Variants in TECR observed in about 807,000 individuals in gnomAD.
TECR encodes the protein very-long-chain enoyl-CoA reductase.
TECR carries 19 observed loss-of-function variants against 50.6 expected under a neutral mutation model. That is an observed-to-expected ratio of 0.38 (90% CI 0.26 to 0.55). The LOEUF (loss-of-function observed/expected upper bound fraction) is 0.55, where lower values mean the gene tolerates loss of function less well. TECR is among the 20% of genes least tolerant of loss of function. The pLI is 0.79. For synonymous variants in TECR, 168 were observed against 163.5 expected (o/e 1.03, Z -0.21); for missense variants, 313 against 408.3 (o/e 0.77, Z 2.01).
chr19:14,535,334 C>T (rs1252589595), intron 1 of TECR, among the ~76,000 whole-genome samples: 7 of 150,200 alleles, frequency 4.7e-5, no homozygotes, highest in African/African-American at 7.4e-5. Context: ...AGTGAAACCC[C>T]GTCTCTACTA....
intron 1 of TECR, among the ~76,000 whole-genome samples, chr19:14,559,244 C>T (rs1599487792): frequency 6.6e-6 from 1 of 152,240 alleles, no homozygotes; most frequent in African/African-American, 2.4e-5. Context: ...ATTGAGTGCA[C>T]GTGCATCATT....
intron 1 of TECR, among the ~76,000 whole-genome samples, chr19:14,559,222 G>T (rs776403177): frequency 6.6e-6 from 1 of 152,122 alleles, no homozygotes; most frequent in Non-Finnish European, 1.5e-5. Context: ...CCATTTAAAA[G>T]TGAACAGTGG....
chr19:14,542,280 T>C (rs2073119333), intron 1 of TECR, among the ~76,000 whole-genome samples: 1 of 151,012 alleles, frequency 6.6e-6, no homozygotes, highest in South Asian at 2.1e-4. Flanking sequence ...CTACTGATTT[T>C]ACCTAAAAGA....
rs753973334 is a variant in TECR at position 14,564,822 on chromosome 19, GC to G, written c.528del (p.Tyr177IlefsTer18). ...CTACTGGGGCTTCGCCGCGTGGATGGCCTATTACATCAATCACCCTCTCTAC... is the reference window on the plus strand; with the variant it reads ...CTACTGGGGCTTCGCCGCGTGGATGGCTATTACATCAATCACCCTCTCTAC... Reference protein sequence around the residue: ...TYYWGFAAWMAYYINHPLYTP... With the variant: ...TYYWGFAAWMXYYINHPLYTP... On this transcript the variant is annotated frameshift_variant, in exon 8 of 13. Transcript: ENST00000215567. LOFTEE classifies it high-confidence loss of function. 6.2e-7 allele frequency: 1 copy of G among 1,613,656 alleles called. No individual in the cohort carries two copies. Among genetic ancestry groups the G allele is most frequent in the Non-Finnish European group, 8.5e-7 (1 of 1,179,956 alleles).
chr19:14,532,968 G>A (rs1432213424), intron 1 of TECR, among the ~76,000 whole-genome samples: 1 of 151,906 alleles, frequency 6.6e-6, no homozygotes, highest in Non-Finnish European at 1.5e-5. Flanking sequence ...AAATTAGCTG[G>A]GTATGGTGGC....
chr19:14,540,206 C>A (rs888763171), intron 1 of TECR, among the ~76,000 whole-genome samples: 7 of 151,776 alleles, frequency 4.6e-5, no homozygotes, highest in African/African-American at 1.7e-4. Flanking sequence ...AGTACAGGCA[C>A]CCACCACCAC....
In TECR at chr19:14,563,128, C is replaced by G; in HGVS notation, c.67-78C>G. ...TAGCTACAGCCCAACCCCCAGCCTG[C>G]CATCCCCTTTAGTACCTCCCCATCC... On this transcript the variant is annotated intron_variant, in intron 2 of 12. Coordinates refer to ENST00000215567, the MANE Select transcript of TECR (RefSeq NM_138501.6). This position sits in a 1 kb window ranked among gnomAD's most constrained non-coding sequence, Gnocchi z 5.3. The G allele has an allele frequency of 6.2e-7, 1 of 1,600,278 alleles. No individual in the cohort carries two copies. Among genetic ancestry groups the G allele is most frequent in the African/African-American group, 1.3e-5 (1 of 74,752 alleles).
rs771252890 is a variant in TECR at position 14,563,924 on chromosome 19, C to T, written c.267+21C>T. On this transcript the variant is annotated intron_variant, in intron 5 of 12. Coordinates refer to ENST00000215567, the MANE Select transcript of TECR (RefSeq NM_138501.6). The surrounding 1 kb of genome is among the most constrained non-coding windows in gnomAD (Gnocchi z 5.3). ...TGACGGTGAGTCCTGACCCTACCCA[C>T]GGCCTCTTTTCCCGTCAGCCACGTT... The T allele has an allele frequency of 2.2e-5, 35 of 1,613,836 alleles. No homozygotes were observed. In the South Asian group the frequency reaches 2.5e-4, roughly 12 times the overall value.
intron 1 of TECR, among the ~76,000 whole-genome samples, chr19:14,535,584 ATATATGTATG>A (rs2072867687): frequency 2.6e-5 from 1 of 38,594 alleles, no homozygotes; most frequent in African/African-American, 9.4e-5. Context: ...ATATATATAT[ATATATGTATG>A]TATATATAAA....
At chr19:14,548,923 A>G (rs1222297776) in intron 1 of TECR, among the ~76,000 whole-genome samples, 1 of 152,140 alleles carries the variant, frequency 6.6e-6, no homozygotes, top group Non-Finnish European at 1.5e-5. Context: ...GCCACAGATG[A>G]CATCCAGTGA....
intron 1 of TECR, chr19:14,561,949 A>T: frequency 5.4e-6 from 1 of 186,726 alleles, no homozygotes; most frequent in Non-Finnish European, 1.1e-5. Flanking sequence ...CTGGCCTCTC[A>T]CTCTCCTCTA....
intron 1 of TECR, among the ~76,000 whole-genome samples, chr19:14,535,598 A>T (rs2072870045): frequency 1.0e-5 from 1 of 98,024 alleles, no homozygotes; most frequent in Non-Finnish European, 1.9e-5. Flanking sequence ...ATGTATGTAT[A>T]TATAAATTAG....
chr19:14,565,021 C>T (rs769067843), intron 9 of TECR, 29 bp downstream of exon 9: 19 of 1,613,728 alleles, frequency 1.2e-5, no homozygotes, highest in South Asian at 3.3e-5. Context: ...GGGACGGGGT[C>T]GGGGGAGTCT....
chr19:14,534,565 A>T (rs1213867619), intron 1 of TECR, among the ~76,000 whole-genome samples: 1 of 148,248 alleles, frequency 6.7e-6, no homozygotes. Flanking sequence ...CCTCCCAAGT[A>T]GCTGTTATTA....
intron 2 of TECR, chr19:14,562,992 GAGGGTAAA>G: frequency 1.6e-6 from 1 of 622,432 alleles, no homozygotes; most frequent in Non-Finnish European, 2.8e-6. Context: ...CCTGCTGGCT[GAGGGTAAA>G]AGTGGAGCCC....
At chr19:14,551,808 GT>G (rs1164527929) in intron 1 of TECR, among the ~76,000 whole-genome samples, 2 of 151,900 alleles carry the variant, frequency 1.3e-5, no homozygotes, top group African/African-American at 4.8e-5. Context: ...AGGGTGGTGG[GT>G]TTTTTGTTTT....
intron 1 of TECR, chr19:14,545,774 AG>A (rs1672679453): frequency 6.5e-6 from 1 of 153,656 alleles, no homozygotes; most frequent in Non-Finnish European, 1.4e-5. Flanking sequence ...CCGTGTGACA[AG>A]TACATCCCTG....
At chr19:14,556,413 A>AAAAACAAAAAC (rs1555735954) in intron 1 of TECR, among the ~76,000 whole-genome samples, 4,887 of 86,618 alleles carry the variant, frequency 0.056, 161 homozygotes, top group South Asian at 0.11. Flanking sequence ...TCTCTCAAAA[A>AAAAACAAAAAC]AAAAACAAAA....
In TECR at chr19:14,565,008, G is replaced by A. The variant is rs780345548; in HGVS notation, c.606+16G>A. 1 of 1,614,024 alleles carries A rather than the reference G, an allele frequency of 6.2e-7. No homozygotes were observed. On this transcript the variant is annotated intron_variant, in intron 9 of 12. Coordinates refer to ENST00000215567, the MANE Select transcript of TECR (RefSeq NM_138501.6). ...CATCTTTGTGGTAAGGAGGCTGGGT[G>A]TGGGGACGGGGTCGGGGGAGTCTGG...
Sources: gnomAD v4.1 joint callset for allele counts (sites outside exome capture counted in the v4.1 genomes callset) on GRCh38, gnomAD v4.1.1 for gene constraint, Gnocchi (gnomAD v3.1) non-coding constraint, MANE v1.5 for transcripts, NCBI Gene and HGNC (gene_info 2026-07-23, HGNC 2026-07-21) for gene names.